Variants in ADAMTS13 observed in about 807,000 individuals in gnomAD.
The protein encoded by ADAMTS13 is ADAM metallopeptidase with thrombospondin type 1 motif 13, also known as A disintegrin and metalloproteinase with thrombospondin motifs 13.
In ADAMTS13, 110 loss-of-function variants were observed where a neutral mutation model predicts 155.1. The ratio of observed to expected loss-of-function variants is 0.71; its 90% CI spans 0.61 to 0.83. The LOEUF (loss-of-function observed/expected upper bound fraction) is 0.83, where lower values mean the gene tolerates loss of function less well. ADAMTS13 is among the 40% of genes least tolerant of loss of function. ADAMTS13 has a pLI of 0.00. For synonymous variants in ADAMTS13, 758 were observed against 756.4 expected (o/e 1.00, Z -0.03); for missense variants, 1,707 against 1,891.7 (o/e 0.90, Z 1.81).
upstream of ADAMTS13, among the ~76,000 whole-genome samples, chr9:133,419,321 G>A (rs971007585): frequency 1.3e-5 from 2 of 152,176 alleles, no homozygotes; most frequent in African/African-American, 4.8e-5. Context: ...CACACTTGCT[G>A]AGTTTGAACG....
Position 133,440,052 on chromosome 9 carries a change from T to A in ADAMTS13, c.1787-292T>A, listed in dbSNP as rs1806114908. Reference sequence around the variant, plus strand: ...CTTTGCTATTGAGGGCCACAGTGGGTCTTTCTGGAGTGTGTCTGCACCTAA... The same window carrying A: ...CTTTGCTATTGAGGGCCACAGTGGGACTTTCTGGAGTGTGTCTGCACCTAA... On this transcript the variant is annotated intron_variant, in intron 15 of 28. Coordinates refer to ENST00000355699, the MANE Select transcript of ADAMTS13 (RefSeq NM_139027.6). This position sits in a 1 kb window ranked among gnomAD's most constrained non-coding sequence, Gnocchi z 4.3. Among the ~76,000 whole-genome samples, 1 of 152,198 alleles carries A rather than the reference T, an allele frequency of 6.6e-6. No homozygotes were observed. The highest frequency in any genetic ancestry group is 2.1e-4 in the South Asian group (1 of 4,828).
At chr9:133,428,826 G>A (rs1554786051) in intron 7 of ADAMTS13, 55 bp downstream of exon 7, 4 of 1,234,366 alleles carry the variant, frequency 3.2e-6, no homozygotes, top group African/African-American at 1.6e-5. Flanking sequence ...CCGCTGGGCC[G>A]CCAGCGCCAC....
chr9:133,447,146 C>A (rs1251548000), intron 21 of ADAMTS13, among the ~76,000 whole-genome samples: 3 of 151,890 alleles, frequency 2.0e-5, no homozygotes, highest in Non-Finnish European at 4.4e-5. Context: ...TGAGCCCCCA[C>A]ACCTGGCCTA....
chr9:133,438,424 A>C (rs918546770), intron 14 of ADAMTS13, 58 bp downstream of exon 14: 40 of 1,606,126 alleles, frequency 2.5e-5, no homozygotes, highest in Non-Finnish European at 3.3e-5. Context: ...AGATGGCCAC[A>C]GCCCAGAGCG....
upstream of ADAMTS13, among the ~76,000 whole-genome samples, chr9:133,420,346 C>T (rs587747135): frequency 1.7e-4 from 26 of 152,364 alleles, no homozygotes; most frequent in Middle Eastern, 3.4e-3. Flanking sequence ...TGAGCCACCA[C>T]ACCTGGCCCA....
chr9:133,436,869 GC>G lies in ADAMTS13; in HGVS notation c.1350del (p.Cys450TrpfsTer47). Reference protein sequence around the residue: ...KTQLEFMSQQCARTDGQPLRS... With the variant: ...KTQLEFMSQQXARTDGQPLRS... ...CAGCTGGAGTTCATGTCGCAACAGT[GC>G]GCCAGGACCGACGGCCAGCCGCTGC... On this transcript the variant is annotated frameshift_variant, in exon 12 of 29. Transcript: ENST00000355699. LOFTEE classifies it high-confidence loss of function. 1 of 1,586,500 alleles carries G rather than the reference GC, an allele frequency of 6.3e-7. No individual in the cohort carries two copies. Among genetic ancestry groups the G allele is most frequent in the Non-Finnish European group, 8.6e-7 (1 of 1,167,744 alleles).
At chr9:133,436,436 C>T (rs1841221404) in intron 11 of ADAMTS13, among the ~76,000 whole-genome samples, 1 of 152,150 alleles carries the variant, frequency 6.6e-6, no homozygotes, top group Non-Finnish European at 1.5e-5. Context: ...GTCCAAGACG[C>T]CTGCCTGAGT....
rs932518001 is a variant in ADAMTS13, at chr9:133,425,020, C to T, written c.331-509C>T. Among the ~76,000 whole-genome samples, 101 of 152,040 alleles carry T rather than the reference C, an allele frequency of 6.6e-4. 2 individuals carry two copies. Among genetic ancestry groups the T allele is most frequent in the Admixed American group, 2.6e-4 (4 of 15,150 alleles). ...GGCAGGGAAGCACTCCCCCACTAGC[C>T]GCCGTCTCAGAAAGACAAACAAGGC... On this transcript the variant is annotated intron_variant, in intron 3 of 28. Coordinates refer to ENST00000355699, the MANE Select transcript of ADAMTS13 (RefSeq NM_139027.6). This position sits in a 1 kb window ranked among gnomAD's most constrained non-coding sequence, Gnocchi z 4.6.
intron 18 of ADAMTS13, 43 bp from the exon 19 acceptor site, chr9:133,443,333 C>A: frequency 6.4e-7 from 1 of 1,564,920 alleles, no homozygotes. Flanking sequence ...CCAGGCCAGC[C>A]TGGGACCTGG....
rs782463031 is a variant in ADAMTS13, at chr9:133,425,640, C to A, written c.414+28C>A. Reference sequence around the variant, plus strand: ...AGGCATGGAGCTGGAACTCAGCACACCATACAGAGCGGGAAGCCCAAGTCA... The same window carrying A: ...AGGCATGGAGCTGGAACTCAGCACAACATACAGAGCGGGAAGCCCAAGTCA... On this transcript the variant is annotated intron_variant, in intron 4 of 28. Transcript: ENST00000355699. The surrounding 1 kb of genome is among the most constrained non-coding windows in gnomAD (Gnocchi z 4.6). The A allele has an allele frequency of 1.9e-6, 3 of 1,607,480 alleles. No individual in the cohort carries two copies. The highest frequency in any genetic ancestry group is 2.6e-6 in the Non-Finnish European group (3 of 1,176,198).
intron 23 of ADAMTS13, among the ~76,000 whole-genome samples, chr9:133,451,149 T>C (rs1173222228): frequency 1.3e-5 from 2 of 152,256 alleles, no homozygotes; most frequent in Non-Finnish European, 1.5e-5. Flanking sequence ...GAAATACTTT[T>C]CTATATCATA....
intron 14 of ADAMTS13, among the ~76,000 whole-genome samples, 165 bp downstream of exon 14, chr9:133,438,531 C>T (rs1841422375): frequency 6.6e-6 from 1 of 152,178 alleles, no homozygotes; most frequent in Admixed American, 6.5e-5. Flanking sequence ...CTTCGCCACC[C>T]TTCTGTGGCA....
chr9:133,444,292 G>A (rs1841908530), intron 19 of ADAMTS13, among the ~76,000 whole-genome samples: 1 of 152,128 alleles, frequency 6.6e-6, no homozygotes, highest in Non-Finnish European at 1.5e-5. Context: ...GGTGCATGGA[G>A]TCAGTGATTA....
In ADAMTS13 at chr9:133,442,497, C is replaced by T. The variant is rs782806565; in HGVS notation, c.2067C>T (p.Ala689=). 5.1e-5 allele frequency: 83 copies of T among 1,613,590 alleles called. No individual in the cohort carries two copies. Among genetic ancestry groups the T allele is most frequent in the Non-Finnish European group, 5.8e-5 (68 of 1,180,040 alleles). ...QPKPRQAWVW[A]AVRGPCSVSC... is the part of the protein sequence containing the mutation. ...AGCCACGGCAGGCCTGGGTGTGGGC[C>T]GCTGTGCGTGGGCCCTGCTCGGTGA... The change falls in exon 17 of 29, where the codon GCC becomes GCT. Residue 689 remains alanine, a synonymous_variant. Transcript: ENST00000355699.
chr9:133,422,923 T>C (rs945279905), intron 1 of ADAMTS13, among the ~76,000 whole-genome samples, 178 bp from the exon 2 acceptor site: 1 of 147,334 alleles, frequency 6.8e-6, no homozygotes, highest in African/African-American at 2.5e-5. Context: ...CTTTTTTCTT[T>C]CTCTCTCTCT....
Position 133,440,451 on chromosome 9 carries a change from C to G in ADAMTS13, c.1894C>G (p.Leu632Val), listed in dbSNP as rs782761353. The change falls in exon 16 of 29, where the codon CTC becomes GTC. Residue 632 changes from leucine to valine, a missense_variant. Coordinates refer to ENST00000355699, the MANE Select transcript of ADAMTS13 (RefSeq NM_139027.6). The surrounding 1 kb of genome is among the most constrained non-coding windows in gnomAD (Gnocchi z 4.3). ...TGGTCGTGTCGAGTACAGAGTGGCC[C>G]TCACCGAGGACCGGCTGCCCCGCCT... is the stretch of plus-strand genomic sequence containing the variant. Reference protein sequence around the residue: ...EDGRVEYRVALTEDRLPRLEE... With the variant: ...EDGRVEYRVAVTEDRLPRLEE... The G allele has an allele frequency of 1.9e-6, 3 of 1,613,676 alleles. No individual in the cohort carries two copies. Among genetic ancestry groups the G allele is most frequent in the Non-Finnish European group, 1.7e-6 (2 of 1,180,004 alleles).
At chr9:133,449,660 C>T in intron 22 of ADAMTS13, 123 bp from the exon 23 acceptor site, 1 of 1,141,404 alleles carries the variant, frequency 8.8e-7, no homozygotes, top group Non-Finnish European at 1.3e-6. Flanking sequence ...AGAAAGAGAA[C>T]CTCTCCGGGC....
rs373839891 is a variant in ADAMTS13 at position 133,442,565 on chromosome 9, C to T, written c.2104+31C>T. On this transcript the variant is annotated intron_variant, in intron 17 of 28. Transcript: ENST00000355699. The stretch of plus-strand genomic sequence containing the variant: ...ACCTGGGGAAGGCTCATCCACAGCA[C>T]GGCTTGCCCCTGCAGGGAGGCGGCC... 9.8e-5 allele frequency: 158 copies of T among 1,613,346 alleles called. 1 individual carries two copies. The highest frequency in any genetic ancestry group is 3.3e-4 in the East Asian group (15 of 44,890).
chr9:133,457,361 G>A (rs587618431), intron 27 of ADAMTS13, among the ~76,000 whole-genome samples: 3 of 152,300 alleles, frequency 2.0e-5, no homozygotes, highest in South Asian at 2.1e-4. Context: ...CTAGTGCGCC[G>A]CCTCCTTGCC....
Sources: allele counts gnomAD v4.1 joint callset (sites outside exome capture counted in the v4.1 genomes callset), GRCh38; gene constraint gnomAD v4.1.1; non-coding constraint Gnocchi (gnomAD v3.1); transcripts MANE v1.5; gene names NCBI Gene and HGNC (gene_info 2026-07-23, HGNC 2026-07-21).